Variants in CDK20 observed in about 807,000 individuals in gnomAD.
The protein encoded by CDK20 is cyclin-dependent kinase 20.
Under a neutral mutation model 38.6 loss-of-function variants are expected in CDK20, and 40 were observed. The observed-to-expected ratio is 1.04, with a 90% CI of 0.81 to 1.35. The LOEUF (loss-of-function observed/expected upper bound fraction) is 1.35. Among genes scored for constraint, CDK20 ranks in the 40% most tolerant of loss-of-function variants. CDK20 has a pLI of 0.00. For missense variants in CDK20, 512 were observed against 452.6 expected (o/e 1.13, Z -1.19); for synonymous variants, 209 against 185.7 (o/e 1.13, Z -1.02).
At chr9:87,972,000 T>C (rs1436256531) in intron 2 of CDK20, among the ~76,000 whole-genome samples, 3 of 152,166 alleles carry the variant, frequency 2.0e-5, no homozygotes, top group Non-Finnish European at 4.4e-5. Flanking sequence ...ACCCAGGTGT[T>C]TGAGACCAGC....
intron 7 of CDK20, 59 bp from the exon 8 acceptor site, chr9:87,967,718 T>A: frequency 2.9e-6 from 4 of 1,393,812 alleles, no homozygotes; most frequent in Non-Finnish European, 3.8e-6. Context: ...GTCCCCAGCC[T>A]CAAGCAGATG....
At position 87,970,541 on chromosome 9, in the gene CDK20, C is replaced by A. The variant is rs1295023560; in HGVS notation, c.563+27G>T. 3.7e-6 allele frequency: 6 copies of A among 1,605,166 alleles called. No individual in the cohort carries two copies. The African/African-American group carries it at 6.7e-5, about 18-fold the overall frequency. On this transcript the variant is annotated intron_variant, in intron 5 of 7. Transcript: ENST00000325303. ...TAGCAGAAATCCATGAGCCATGTTA[C>A]CCTTTGACCACCCACAGGGGTCTCA... is the stretch of plus-strand genomic sequence containing the variant.
Position 87,974,131 on chromosome 9 carries a change from C to A in CDK20, c.76-96G>T, listed in dbSNP as rs554525698. On this transcript the variant is annotated intron_variant, in intron 1 of 7. Transcript: ENST00000325303. ...AAGGTGGTTGAGAGAGAGACACGCG[C>A]CCCCGGCTCGGCCAGAGGCCCTCCT... is the stretch of plus-strand genomic sequence containing the variant. 17 of 1,586,330 alleles carry A rather than the reference C, an allele frequency of 1.1e-5. No homozygotes were observed. The African/African-American group carries it at 2.3e-4, about 21-fold the overall frequency.
rs1829697262 is a variant in CDK20 at position 87,969,484 on chromosome 9, TCATTCATTCACTCACCCAC to T, written c.688-154_688-136del. 4.3e-5 allele frequency: 42 copies of T among 978,690 alleles called. 1 individual carries two copies. The South Asian group carries it at 6.2e-4, about 14-fold the overall frequency. 60.6% of individuals were successfully genotyped at this position (978,690 alleles called of 1,614,324 possible). On this transcript the variant is annotated intron_variant, in intron 6 of 7. Coordinates refer to ENST00000325303, the MANE Select transcript of CDK20 (RefSeq NM_001039803.3). The stretch of plus-strand genomic sequence containing the variant: ...CCCATCCATGTGTCTCCCTGACCCA[TCATTCATTCACTCACCCAC>T]CCCTGTATTCCTTCATCCATCCCCT...
At chr9:87,974,168 G>T in intron 1 of CDK20, 133 bp from the exon 2 acceptor site, 2 of 1,479,112 alleles carry the variant, frequency 1.4e-6, no homozygotes, top group Non-Finnish European at 1.8e-6. Context: ...GGGGGTCTAG[G>T]ACTAGCCTGG....
intron 6 of CDK20, 43 bp downstream of exon 6, chr9:87,969,753 G>A: frequency 1.9e-6 from 3 of 1,612,506 alleles, no homozygotes; most frequent in Non-Finnish European, 1.7e-6. Context: ...TGGGAGTGGA[G>A]TAAACCTGCC....
intron 5 of CDK20, chr9:87,970,133 G>A: frequency 4.1e-6 from 2 of 492,792 alleles, no homozygotes; most frequent in Non-Finnish European, 6.9e-6. Flanking sequence ...GGAGACTCCT[G>A]CTCTAGGACA....
At position 87,974,054 on chromosome 9, in the gene CDK20, A is replaced by G. The variant is rs980679262; in HGVS notation, c.76-19T>C. 3 of 1,613,774 alleles carry G rather than the reference A, an allele frequency of 1.9e-6. No individual in the cohort carries two copies. Among genetic ancestry groups the G allele is most frequent in the East Asian group, 4.5e-5 (2 of 44,870 alleles). ...CGCCAGTCTGCAGGATAGAAGGCAG[A>G]CACTGCCAGCCCACCCTCGGCTGGG... is the stretch of plus-strand genomic sequence containing the variant. On this transcript the variant is annotated intron_variant, in intron 1 of 7. Transcript: ENST00000325303.
At chr9:87,973,517 A>G (rs1170720392) in intron 2 of CDK20, among the ~76,000 whole-genome samples, 1 of 152,192 alleles carries the variant, frequency 6.6e-6, no homozygotes, top group African/African-American at 2.4e-5. Flanking sequence ...TCACCTGAGA[A>G]ACAGAGATCT....
intron 1 of CDK20, 40 bp downstream of exon 1, chr9:87,974,332 G>T: frequency 6.3e-7 from 1 of 1,592,060 alleles, no homozygotes; most frequent in Non-Finnish European, 8.6e-7. Flanking sequence ...GGTGGCGGGG[G>T]CACACCCCCG....
Position 87,971,352 on chromosome 9 carries a change from T to C in CDK20, c.190-17A>G. The stretch of plus-strand genomic sequence containing the variant: ...TTGTACCACCTGTGGGCAGGACATC[T>C]TGTTAGCCCCCAGACTCAAGTCACC... On this transcript the variant is annotated splice_polypyrimidine_tract_variant and intron_variant, in intron 2 of 7. Coordinates refer to ENST00000325303, the MANE Select transcript of CDK20 (RefSeq NM_001039803.3). 1 of 1,600,080 alleles carries C rather than the reference T, an allele frequency of 6.2e-7. No individual in the cohort carries two copies. The highest frequency in any genetic ancestry group is 8.5e-7 in the Non-Finnish European group (1 of 1,172,362).
chr9:87,969,011 C>T (rs538805290), intron 7 of CDK20, 183 bp downstream of exon 7: 5 of 660,554 alleles, frequency 7.6e-6, no homozygotes, highest in Admixed American at 3.0e-5. Context: ...GGGGTCTACT[C>T]ATGAGAGGCA....
intron 2 of CDK20, among the ~76,000 whole-genome samples, chr9:87,973,434 CTCAA>C (rs747565983): frequency 1.4e-4 from 19 of 139,464 alleles, no homozygotes; most frequent in Non-Finnish European, 2.7e-4. Context: ...AGAATGGACT[CTCAA>C]TCAAACCTGG....
Position 87,974,339 on chromosome 9 carries a change from C to A in CDK20, c.75+33G>T, listed in dbSNP as rs767635493. On this transcript the variant is annotated intron_variant, in intron 1 of 7. Coordinates refer to ENST00000325303, the MANE Select transcript of CDK20 (RefSeq NM_001039803.3). ...AGCCGGAGGGTGGCGGGGGCACACC[C>A]CCGCCAGGCTGCCGGCCGCGGTCCA... The A allele has an allele frequency of 1.5e-5, 24 of 1,604,792 alleles. No individual in the cohort carries two copies. The Admixed American group carries it at 1.5e-4, about 10-fold the overall frequency.
chr9:87,967,770 G>A (rs1009847668), intron 7 of CDK20, 111 bp from the exon 8 acceptor site: 2 of 916,148 alleles, frequency 2.2e-6, no homozygotes, highest in Middle Eastern at 6.7e-4. Flanking sequence ...GTGTCTGGGT[G>A]TTTTCTGAGT....
chr9:87,967,461 C>A lies in CDK20; in HGVS notation c.*1G>T. 3 of 1,553,482 alleles carry A rather than the reference C, an allele frequency of 1.9e-6. No homozygotes were observed. Among genetic ancestry groups the A allele is most frequent in the Non-Finnish European group, 2.6e-6 (3 of 1,148,122 alleles). ...AGGCAGACGGGACCAGGGCCAACTT[C>A]TCACCCCTCCAGGATGAAGGGCCGA... On this transcript the variant is annotated 3_prime_UTR_variant, in exon 8 of 8. Coordinates refer to ENST00000325303, the MANE Select transcript of CDK20 (RefSeq NM_001039803.3).
Position 87,974,512 on chromosome 9 carries a change from C to G in CDK20, c.-66G>C, listed in dbSNP as rs1830096894. The stretch of plus-strand genomic sequence containing the variant: ...TTCCAAACTCCACTTCTCCTCCACC[C>G]CACGCTGATCTGAGCTCGCACGCTG... On this transcript the variant is annotated 5_prime_UTR_variant, in exon 1 of 8. Transcript: ENST00000325303. 1.4e-6 allele frequency: 2 copies of G among 1,441,914 alleles called. No individual in the cohort carries two copies. The highest frequency in any genetic ancestry group is 4.0e-5 in the Admixed American group (2 of 49,952). The allele number at this position is 1,441,914 out of a possible 1,614,324, so 89.3% of individuals were successfully genotyped here.
At position 87,970,887 on chromosome 9, in the gene CDK20, GGTTTCA is replaced by G; in HGVS notation, c.383_388del (p.Leu128_Lys129del). 6 of 1,614,202 alleles carry G rather than the reference GGTTTCA, an allele frequency of 3.7e-6. No homozygotes were observed. Among genetic ancestry groups the G allele is most frequent in the Non-Finnish European group, 5.1e-6 (6 of 1,180,040 alleles). On this transcript the variant is annotated inframe_deletion, in exon 4 of 8. Coordinates refer to ENST00000325303, the MANE Select transcript of CDK20 (RefSeq NM_001039803.3). ...TGAGGCGCTGATGAGCAGGTTGGCA[GGTTTCA>G]GGTCCTGGGAGTACCAAAAGAAGCA...
chr9:87,968,924 C>G (rs1174324357), intron 7 of CDK20: 2 of 470,460 alleles, frequency 4.3e-6, no homozygotes, highest in Non-Finnish European at 7.7e-6. Flanking sequence ...ACCTGCACTC[C>G]CGGACACGCG....
Sources: allele counts gnomAD v4.1 joint callset (sites outside exome capture counted in the v4.1 genomes callset), GRCh38; gene constraint gnomAD v4.1.1; transcripts MANE v1.5; gene names NCBI Gene and HGNC (gene_info 2026-07-23, HGNC 2026-07-21).